Variants in BBS12 observed in about 807,000 individuals in gnomAD.
BBS12 encodes Bardet-Biedl syndrome 12.
In BBS12, 5 loss-of-function variants were observed where a neutral mutation model predicts 5.6. The ratio of observed to expected loss-of-function variants is 0.89; its 90% confidence interval spans 0.46 to 1.86. The LOEUF is 1.86. Among genes scored for constraint, BBS12 ranks in the 40% most tolerant of loss-of-function variants. The pLI is 0.01. For synonymous variants in BBS12, 308 were observed against 306.8 expected (o/e 1.00, Z -0.04); for missense variants, 748 against 830.4 (o/e 0.90, Z 1.22).
chr4:122,713,419 G>T, the BBS12 span, among the ~76,000 whole-genome samples: 1 of 152,188 alleles, frequency 6.6e-6, no homozygotes, highest in African/African-American at 2.4e-5. Context: ...TTGAGCCCAG[G>T]AGTTCAAGGC....
Position 122,743,276 on chromosome 4 carries a change from G to A in BBS12, c.1384G>A (p.Glu462Lys), listed in dbSNP as rs1317012035. 6.2e-7 allele frequency: 1 copy of A among 1,614,250 alleles called. No homozygotes were observed. Among genetic ancestry groups the A allele is most frequent in the East Asian group, 2.2e-5 (1 of 44,894 alleles). The stretch of plus-strand genomic sequence containing the variant: ...GGTGGCCTACATTACACAAGTGAAT[G>A]AAGATTGTGTGGGCGACGGGGTCTG... ...VQVAYITQVNEDCVGDGVCVT... is the reference protein window; with the variant it reads ...VQVAYITQVNKDCVGDGVCVT... Residue 462 changes from glutamate to lysine, a missense_variant, in exon 2 of 2, where the codon GAA (glutamate) becomes AAA (lysine). Glu to Lys is a moderately conservative substitution (Grantham distance 56, BLOSUM62 1). Coordinates refer to ENST00000314218, the MANE Select transcript of BBS12 (RefSeq NM_152618.3).
At chr4:122,716,714 T>C in the BBS12 span, among the ~76,000 whole-genome samples, 3,878 of 60,424 alleles carry the variant, frequency 0.064, 278 homozygotes, top group African/African-American at 0.26. Flanking sequence ...TACATACACA[T>C]ATGTGTGTAT....
the BBS12 span, among the ~76,000 whole-genome samples, chr4:122,721,102 A>C: frequency 6.6e-6 from 1 of 152,128 alleles, no homozygotes; most frequent in Non-Finnish European, 1.5e-5. Flanking sequence ...ACACAGCAAA[A>C]ATATTATTCA....
chr4:122,735,102 A>G (rs947180337), intron 1 of BBS12, among the ~76,000 whole-genome samples: 2 of 152,212 alleles, frequency 1.3e-5, no homozygotes, highest in Non-Finnish European at 2.9e-5. Flanking sequence ...GGTATTTTTA[A>G]TCTGCTTTGG....
In BBS12 at chr4:122,741,931, C is replaced by T. The variant is rs894644792; in HGVS notation, c.39C>T (p.His13=). ...GCAGAGTCGTAAACAAAAGAAGACA[C>T]ATGGGACTTCAACAACTTTCATCAT... ...MACRVVNKRR[H]MGLQQLSSFA... Residue 13 remains histidine (H), a synonymous_variant, in exon 2 of 2, where the codon CAC becomes CAT. Coordinates refer to ENST00000314218, the MANE Select transcript of BBS12 (RefSeq NM_152618.3). 3.1e-6 allele frequency: 5 copies of T among 1,613,936 alleles called. No homozygotes were observed. The African/African-American group carries it at 4.0e-5, about 13-fold the overall frequency.
the BBS12 span, among the ~76,000 whole-genome samples, chr4:122,720,725 T>C: frequency 6.6e-6 from 1 of 152,138 alleles, no homozygotes; most frequent in Non-Finnish European, 1.5e-5. Flanking sequence ...GAAGAAATAC[T>C]GGCTCTAAAA....
chr4:122,708,329 C>T, the BBS12 span, among the ~76,000 whole-genome samples: 1 of 152,094 alleles, frequency 6.6e-6, no homozygotes, highest in African/African-American at 2.4e-5. Flanking sequence ...CTACTTTTGG[C>T]CACTTCATGA....
At chr4:122,710,385 C>G in the BBS12 span, among the ~76,000 whole-genome samples, 3,833 of 152,358 alleles carry the variant, frequency 0.025, 78 homozygotes, top group African/African-American at 0.051. Flanking sequence ...CGTGTTGACT[C>G]CTACTCAGGA....
chr4:122,732,193 C>G (rs547374121), upstream of BBS12: 5 of 152,252 alleles, frequency 3.3e-5, no homozygotes, highest in South Asian at 1.0e-3. Flanking sequence ...TAGTTAGATG[C>G]CTGTAATACA....
the BBS12 span, among the ~76,000 whole-genome samples, chr4:122,710,695 A>T: frequency 1.3e-5 from 2 of 149,840 alleles, no homozygotes; most frequent in Non-Finnish European, 2.9e-5. Context: ...ACAGTACAGC[A>T]TTTGTGCGTT....
Position 122,743,346 on chromosome 4 carries a change from A to G in BBS12, c.1454A>G (p.Asn485Ser), listed in dbSNP as rs747391957. Residue 485 changes from asparagine (N) to serine (S), a missense_variant, in exon 2 of 2, where the codon AAC becomes AGC. Physicochemically the swap from Asn to Ser is conservative, Grantham distance 46 (BLOSUM62 1). Transcript: ENST00000314218. ...AGCCCTTTGGATGTTGTAGATAGGA[A>G]CAACAGAATCGCAATCTTATTAAAA... ...RSSPLDVVDR[N>S]NRIAILLKTE... 1.2e-6 allele frequency: 2 copies of G among 1,614,208 alleles called. No individual in the cohort carries two copies. The highest frequency in any genetic ancestry group is 1.7e-6 in the Non-Finnish European group (2 of 1,180,032).
chr4:122,736,336 A>G (rs1270560811), intron 1 of BBS12, among the ~76,000 whole-genome samples: 1 of 152,126 alleles, frequency 6.6e-6, no homozygotes, highest in Non-Finnish European at 1.5e-5. Context: ...ACATGATTAG[A>G]CTTCTGTATT....
chr4:122,726,666 AATTCCAATTCGCC>A, the BBS12 span, among the ~76,000 whole-genome samples: 5 of 52,628 alleles, frequency 9.5e-5, no homozygotes, highest in Admixed American at 2.2e-4. Context: ...ATAGCAGCAC[AATTCCAATTCGCC>A]ATTGCAAAAA....
At chr4:122,713,477 T>C in the BBS12 span, among the ~76,000 whole-genome samples, 1 of 152,176 alleles carries the variant, frequency 6.6e-6, no homozygotes, top group African/African-American at 2.4e-5. Context: ...CACTCCAGCC[T>C]GGGCAACAAG....
chr4:122,738,871 G>A (rs1800824637), intron 1 of BBS12, among the ~76,000 whole-genome samples: 1 of 152,196 alleles, frequency 6.6e-6, no homozygotes, highest in Middle Eastern at 3.2e-3. Flanking sequence ...AAAGTGTTCA[G>A]TATACTGGAC....
chr4:122,728,286 AAT>A (rs1230169933), upstream of BBS12, among the ~76,000 whole-genome samples: 1 of 152,214 alleles, frequency 6.6e-6, no homozygotes, highest in African/African-American at 2.4e-5. Context: ...TAATTGATAT[AAT>A]GAATTATATG....
the BBS12 span, among the ~76,000 whole-genome samples, chr4:122,722,677 G>C: frequency 2.6e-5 from 4 of 151,910 alleles, no homozygotes; most frequent in Non-Finnish European, 5.9e-5. Flanking sequence ...TTTATTATTT[G>C]TACCTGATAC....
the BBS12 span, among the ~76,000 whole-genome samples, chr4:122,720,631 G>A: frequency 6.6e-6 from 1 of 152,214 alleles, no homozygotes; most frequent in Middle Eastern, 3.4e-3. Flanking sequence ...AAGAGTATGA[G>A]AGATACATGA....
At chr4:122,714,555 G>A in the BBS12 span, among the ~76,000 whole-genome samples, 46 of 152,034 alleles carry the variant, frequency 3.0e-4, no homozygotes, top group East Asian at 3.5e-3. Flanking sequence ...TGAGGCGGGC[G>A]CATCACATGA....
Sources: gnomAD v4.1 joint callset for allele counts (sites outside exome capture counted in the v4.1 genomes callset) on GRCh38, gnomAD v4.1.1 for gene constraint, MANE v1.5 for transcripts, NCBI Gene and HGNC (gene_info 2026-07-23, HGNC 2026-07-21) for gene names.